The following PC variants were observed in gnomAD, a reference collection of about 807,000 sequenced individuals.
The protein encoded by PC is pyruvate carboxylase, mitochondrial.
Under a neutral mutation model 107.8 loss-of-function variants are expected in PC, and 46 were observed. The observed-to-expected ratio is 0.43, with a 90% CI of 0.34 to 0.55. The LOEUF is 0.55. PC is among the 20% of genes least tolerant of loss of function. The probability of loss-of-function intolerance (pLI) is 0.04; values close to 1 mark genes in which losing one functional copy is unlikely to be tolerated. For synonymous variants in PC, 662 were observed against 684.7 expected (o/e 0.97, Z 0.52); for missense variants, 1,241 against 1,643.1 (o/e 0.76, Z 4.23).
intron 3 of PC, among the ~76,000 whole-genome samples, chr11:66,945,883 G>A (rs1202604210): frequency 3.5e-5 from 5 of 144,830 alleles, no homozygotes; most frequent in East Asian, 2.1e-4. Flanking sequence ...TCAGGAGATC[G>A]AGACCATCCT....
At chr11:66,951,903 A>G (rs922462580) in intron 3 of PC, among the ~76,000 whole-genome samples, 2 of 151,288 alleles carry the variant, frequency 1.3e-5, no homozygotes, top group African/African-American at 4.9e-5. Flanking sequence ...AAAAAAAAGA[A>G]AAAAAAAAAC....
At chr11:66,916,483 C>T (rs1400081574) in intron 3 of PC, among the ~76,000 whole-genome samples, 2 of 152,194 alleles carry the variant, frequency 1.3e-5, no homozygotes, top group East Asian at 3.8e-4. Flanking sequence ...AAATTACTCA[C>T]CTCAATTTCT....
At chr11:66,887,387 CA>C (rs1947410690) in intron 3 of PC, among the ~76,000 whole-genome samples, 1 of 152,158 alleles carries the variant, frequency 6.6e-6, no homozygotes, top group Non-Finnish European at 1.5e-5. Context: ...AACAGATACT[CA>C]GAAAAACTAT....
At chr11:66,957,480 T>C (rs1052958877) in intron 1 of PC, among the ~76,000 whole-genome samples, 1 of 152,028 alleles carries the variant, frequency 6.6e-6, no homozygotes, top group African/African-American at 2.4e-5. Context: ...TAGCTAGGCG[T>C]GGTGGCGCCC....
At chr11:66,859,548 G>T (rs559954859) in intron 12 of PC, 1 of 1,571,012 alleles carries the variant, frequency 6.4e-7, no homozygotes, top group South Asian at 1.2e-5. Context: ...CAGGGGGAGG[G>T]GTGTTTGGAG....
In PC at chr11:66,857,808, G is replaced by A. The variant is rs751272045; in HGVS notation, c.1369-4425C>T. 5.0e-6 allele frequency: 8 copies of A among 1,601,218 alleles called. No individual in the cohort carries two copies. Among genetic ancestry groups the A allele is most frequent in the South Asian group, 3.3e-5 (3 of 91,052 alleles). On this transcript the variant is annotated intron_variant, in intron 12 of 22. Coordinates refer to ENST00000393960, the MANE Select transcript of PC (RefSeq NM_001040716.2). This position sits in a 1 kb window ranked among gnomAD's most constrained non-coding sequence, Gnocchi z 7.1. ...AGCGGCCGCCTGCCCGCTGCCCTGC[G>A]TCTGCCAGAACCTGTCCGAGTCGCT...
rs559648270 is a variant in PC, at chr11:66,938,698, TTC to T, written c.-1+13730_-1+13731del. Among the ~76,000 whole-genome samples the T allele has an allele frequency of 2.6e-3, 395 of 152,258 alleles. 1 individual carries two copies. Among genetic ancestry groups the T allele is most frequent in the Middle Eastern group, 0.017 (5 of 294 alleles). ...ATAACAAAAAATGAGATATTATACA[TTC>T]TGTTTTATAATATATATTTTTTGTG... On this transcript the variant is annotated intron_variant, in intron 3 of 22. Transcript: ENST00000393960.
At position 66,860,640 on chromosome 11, in the gene PC, G is replaced by A. The variant is rs79696213; in HGVS notation, c.1368+3134C>T. 8.6e-3 allele frequency: 6,028 copies of A among 701,754 alleles called. 36 individuals carry two copies. The highest frequency in any genetic ancestry group is 0.013 in the Admixed American group (625 of 50,000). The allele number at this position is 701,754 out of a possible 1,614,324, so 43.5% of individuals were successfully genotyped here. On this transcript the variant is annotated intron_variant, in intron 12 of 22. Coordinates refer to ENST00000393960, the MANE Select transcript of PC (RefSeq NM_001040716.2). ...GTCCACAGGGGCGGCCCAGGGCTGC[G>A]GCCAAGGGCTGTGCCTGGTGTCTTC... is the stretch of plus-strand genomic sequence containing the variant.
At chr11:66,908,771 C>T (rs1438842904) in intron 3 of PC, among the ~76,000 whole-genome samples, 2 of 152,158 alleles carry the variant, frequency 1.3e-5, no homozygotes, top group East Asian at 1.9e-4. Context: ...AACGTAAGTG[C>T]GCCCTGATCC....
chr11:66,915,085 G>A (rs1398255129), intron 3 of PC, among the ~76,000 whole-genome samples: 1 of 147,286 alleles, frequency 6.8e-6, no homozygotes, highest in Admixed American at 6.7e-5. Context: ...CCTAGGGTGC[G>A]CCAATGGGGA....
chr11:66,907,084 T>C (rs1948188901), intron 3 of PC, among the ~76,000 whole-genome samples: 1 of 152,222 alleles, frequency 6.6e-6, no homozygotes, highest in African/African-American at 2.4e-5. Flanking sequence ...TGCTGAACTA[T>C]GAGCAGGGCC....
chr11:66,932,551 G>T (rs905960715), intron 3 of PC, among the ~76,000 whole-genome samples: 23 of 152,218 alleles, frequency 1.5e-4, no homozygotes, highest in Admixed American at 1.5e-3. Context: ...CGCAGATGCA[G>T]TGGCCGAAAT....
intron 3 of PC, among the ~76,000 whole-genome samples, chr11:66,929,865 G>A (rs1948805145): frequency 2.6e-5 from 4 of 152,088 alleles, no homozygotes; most frequent in Admixed American, 2.6e-4. Flanking sequence ...AGAAAATAAG[G>A]AACATTCAGG....
chr11:66,853,831 T>C (rs1013379334), intron 12 of PC, among the ~76,000 whole-genome samples: 47 of 152,190 alleles, frequency 3.1e-4, no homozygotes, highest in African/African-American at 1.1e-3. Flanking sequence ...TCCCTGGGCT[T>C]CCAAGCCATC....
intron 3 of PC, among the ~76,000 whole-genome samples, chr11:66,903,217 C>A (rs1233348789): frequency 6.6e-6 from 1 of 152,158 alleles, no homozygotes; most frequent in Non-Finnish European, 1.5e-5. Context: ...TAGTCCCAAT[C>A]CAGAAGCGAT....
chr11:66,951,109 C>T (rs1261464556), intron 3 of PC, among the ~76,000 whole-genome samples: 3 of 152,116 alleles, frequency 2.0e-5, no homozygotes, highest in Non-Finnish European at 4.4e-5. Flanking sequence ...AAACCAGCTC[C>T]TGCGTCATGA....
chr11:66,927,885 A>G (rs1948757457), intron 3 of PC, among the ~76,000 whole-genome samples: 1 of 152,186 alleles, frequency 6.6e-6, no homozygotes, highest in South Asian at 2.1e-4. Context: ...AATTGGGACT[A>G]AGAGAAAGAA....
intron 3 of PC, among the ~76,000 whole-genome samples, chr11:66,876,509 G>C (rs994208566): frequency 2.6e-5 from 4 of 152,242 alleles, no homozygotes; most frequent in African/African-American, 9.6e-5. Context: ...CTTAGGGAGT[G>C]CATGCCCCAG....
In PC at chr11:66,849,212, C is replaced by T. The variant is rs1945322443; in HGVS notation, c.3288+18G>A. 2 of 1,613,582 alleles carry T rather than the reference C, an allele frequency of 1.2e-6. No homozygotes were observed. The highest frequency in any genetic ancestry group is 1.7e-5 in the Admixed American group (1 of 59,996). On this transcript the variant is annotated intron_variant, in intron 22 of 22. Transcript: ENST00000393960. ...CAGCCAAGCCCCACCGCCTGGCTGG[C>T]CCTGGGGGAGACAATACCTTCATGG...
Sources: allele counts gnomAD v4.1 joint callset (sites outside exome capture counted in the v4.1 genomes callset), GRCh38; gene constraint gnomAD v4.1.1; non-coding constraint Gnocchi (gnomAD v3.1); transcripts MANE v1.5; gene names NCBI Gene and HGNC (gene_info 2026-07-23, HGNC 2026-07-21).